The following SIN3A variants were observed in gnomAD, a reference collection of about 807,000 sequenced individuals.
SIN3A encodes SIN3 transcription regulator family member A.
SIN3A carries 14 observed loss-of-function variants against 146.1 expected under a neutral mutation model. That is an observed-to-expected ratio of 0.10 (90% CI 0.06 to 0.15). The LOEUF (loss-of-function observed/expected upper bound fraction) is 0.15, where lower values mean the gene tolerates loss of function less well. Among genes scored for constraint, SIN3A ranks in the 10% least tolerant of loss-of-function variants. The pLI is 1.00. For missense variants in SIN3A, 1,028 were observed against 1,576.0 expected (o/e 0.65, Z 5.89); for synonymous variants, 572 against 572.0 (o/e 1.00, Z 0.00).
intron 5 of SIN3A, 82 bp from the exon 6 acceptor site, chr15:75,411,825 G>A: frequency 1.4e-6 from 2 of 1,423,660 alleles, no homozygotes; most frequent in Non-Finnish European, 1.9e-6. Flanking sequence ...GAGAAACAAG[G>A]TGTCAACGTA....
chr15:75,450,764 C>A (rs1179471802), intron 1 of SIN3A, among the ~76,000 whole-genome samples: 3 of 152,336 alleles, frequency 2.0e-5, no homozygotes, highest in East Asian at 1.9e-4. Flanking sequence ...TCCCTCCCCA[C>A]GGAGACATAG....
At chr15:75,399,453 G>A (rs2073369775) in intron 12 of SIN3A, among the ~76,000 whole-genome samples, 1 of 152,096 alleles carries the variant, frequency 6.6e-6, no homozygotes, top group African/African-American at 2.4e-5. Context: ...GCATGAACCT[G>A]GGAGGCAGAG....
intron 18 of SIN3A, 117 bp downstream of exon 18, chr15:75,381,496 T>C: frequency 2.8e-6 from 2 of 719,700 alleles, no homozygotes; most frequent in Admixed American, 4.7e-5. Context: ...ATCCAGGTCC[T>C]GACCCTTAAA....
At chr15:75,416,612 CA>C (rs1266226222) in intron 3 of SIN3A, among the ~76,000 whole-genome samples, 2 of 152,244 alleles carry the variant, frequency 1.3e-5, no homozygotes, top group African/African-American at 2.4e-5. Flanking sequence ...AGGCGTGAGC[CA>C]CCACACCCAG....
In SIN3A at chr15:75,417,072, A is replaced by G. The variant is rs139831437; in HGVS notation, c.367-2761T>C. 2.9e-3 allele frequency among the ~76,000 whole-genome samples: 442 copies of G among 151,366 alleles called. 11 individuals are homozygous for G. Among genetic ancestry groups the G allele is most frequent in the Admixed American group, 0.028 (418 of 15,158 alleles). ...GGTAGCTCATTGTTAAGGATTGTCCATGTTCTGCCTGAAATACCATGACTG... is the reference window on the plus strand; with the variant it reads ...GGTAGCTCATTGTTAAGGATTGTCCGTGTTCTGCCTGAAATACCATGACTG... On this transcript the variant is annotated intron_variant, in intron 3 of 20. Coordinates refer to ENST00000394947, the MANE Select transcript of SIN3A (RefSeq NM_001145358.2).
intron 12 of SIN3A, among the ~76,000 whole-genome samples, chr15:75,397,177 G>A (rs1241792927): frequency 6.6e-6 from 1 of 152,160 alleles, no homozygotes; most frequent in Non-Finnish European, 1.5e-5. Flanking sequence ...TTCTCTAAAT[G>A]AGAAACAGAA....
chr15:75,395,441 G>A (rs1466935379), intron 13 of SIN3A, among the ~76,000 whole-genome samples: 1 of 152,056 alleles, frequency 6.6e-6, no homozygotes, highest in Non-Finnish European at 1.5e-5. Context: ...GGGAAGATGA[G>A]GGAGAAGAAA....
At chr15:75,399,894 G>A in intron 12 of SIN3A, 146 bp downstream of exon 12, 1 of 632,314 alleles carries the variant, frequency 1.6e-6, no homozygotes, top group Non-Finnish European at 2.9e-6. Context: ...AATGCATAAA[G>A]CATGGAAAGT....
intron 16 of SIN3A, among the ~76,000 whole-genome samples, chr15:75,389,342 A>C (rs1174694995): frequency 6.6e-6 from 1 of 152,036 alleles, no homozygotes; most frequent in Non-Finnish European, 1.5e-5. Context: ...TGGAAGACGC[A>C]ATGTTCCACA....
At chr15:75,447,401 C>G (rs2074325790) in intron 1 of SIN3A, among the ~76,000 whole-genome samples, 1 of 152,136 alleles carries the variant, frequency 6.6e-6, no homozygotes, top group Non-Finnish European at 1.5e-5. Context: ...CTTAGTTATC[C>G]AAGAGGAGAC....
At chr15:75,417,964 G>A (rs750012588) in intron 3 of SIN3A, among the ~76,000 whole-genome samples, 2 of 152,174 alleles carry the variant, frequency 1.3e-5, no homozygotes, top group South Asian at 4.2e-4. Flanking sequence ...GAAAAACAGA[G>A]TTCAGGCCCT....
At chr15:75,376,300 G>A (rs1468364649) in intron 19 of SIN3A, 1 of 175,388 alleles carries the variant, frequency 5.7e-6, no homozygotes, top group Non-Finnish European at 1.2e-5. Context: ...TTTAACTGCT[G>A]CAGAAAAATG....
chr15:75,429,323 G>A (rs2073976513), intron 2 of SIN3A, among the ~76,000 whole-genome samples: 1 of 152,224 alleles, frequency 6.6e-6, no homozygotes. Context: ...AGGGAGGCTA[G>A]GGCACGGGAG....
intron 13 of SIN3A, 75 bp downstream of exon 13, chr15:75,396,183 G>T: frequency 9.3e-7 from 1 of 1,070,366 alleles, no homozygotes. Flanking sequence ...GGTTGAAAAT[G>T]AGAGCCTTAT....
At chr15:75,442,877 AG>A (rs146329859) in intron 1 of SIN3A, among the ~76,000 whole-genome samples, 1 of 147,662 alleles carries the variant, frequency 6.8e-6, no homozygotes, top group East Asian at 2.0e-4. Flanking sequence ...GGTTGCGGTG[AG>A]CCGAGATTGT....
rs201046141 is a variant in SIN3A, at chr15:75,410,115, T to C, written c.1161+19A>G. ...AGATAATAATAGTAAATAGTGTAATTCTTATTAAAAAAACATACCACGGAG... is the reference window on the plus strand; with the variant it reads ...AGATAATAATAGTAAATAGTGTAATCCTTATTAAAAAAACATACCACGGAG... On this transcript the variant is annotated intron_variant, in intron 7 of 20. Transcript: ENST00000394947. 2.0e-3 allele frequency: 3,194 copies of C among 1,611,880 alleles called. 7 individuals carry two copies. Among genetic ancestry groups the C allele is most frequent in the South Asian group, 4.7e-3 (423 of 90,826 alleles).
chr15:75,443,451 C>T (rs1318036193), intron 1 of SIN3A: 1 of 152,216 alleles, frequency 6.6e-6, no homozygotes, highest in Non-Finnish European at 1.5e-5. Flanking sequence ...CATGCTGGCT[C>T]ATGCCTGGAA....
chr15:75,413,547 GT>G (rs10713555), intron 4 of SIN3A, among the ~76,000 whole-genome samples: 38,235 of 141,070 alleles, frequency 0.27, 4,668 homozygotes, highest in African/African-American at 0.31. Flanking sequence ...GCCACAATTT[GT>G]TTTTTTTTTT....
chr15:75,394,416 G>A (rs1420445353), intron 14 of SIN3A, among the ~76,000 whole-genome samples: 2 of 152,268 alleles, frequency 1.3e-5, no homozygotes, highest in African/African-American at 2.4e-5. Flanking sequence ...ACAGGTAGTC[G>A]GAGAAGTGGA....
Sources: gnomAD v4.1 joint callset for allele counts (sites outside exome capture counted in the v4.1 genomes callset) on GRCh38, gnomAD v4.1.1 for gene constraint, MANE v1.5 for transcripts, NCBI Gene and HGNC (gene_info 2026-07-23, HGNC 2026-07-21) for gene names.